FRMPD4: variants seen among roughly 807,000 people sequenced by gnomAD.
FRMPD4 encodes FERM and PDZ domain containing 4, also known as FERM and PDZ domain-containing protein 4.
Under a neutral mutation model 94.1 loss-of-function variants are expected in FRMPD4, and 22 were observed. The ratio of observed to expected loss-of-function variants is 0.23; its 90% CI spans 0.17 to 0.33. The LOEUF is 0.33. FRMPD4 is among the 10% of genes least tolerant of loss of function. The pLI is 1.00. For synonymous variants in FRMPD4, 631 were observed against 548.6 expected, an observed-to-expected ratio of 1.15 and a Z score of -2.10; for missense variants, 1,111 against 1,339.9, an observed-to-expected ratio of 0.83 and a Z score of 2.67.
At chrX:12,469,926 G>T (rs1224358931) in intron 1 of FRMPD4, among the ~76,000 whole-genome samples, 2 of 112,160 alleles carry the variant, frequency 1.8e-5, no homozygotes, top group African/African-American at 6.5e-5. Context: ...GGACACTGCT[G>T]CCCCTGGAGA....
chrX:11,978,956 G>A (rs1355830017), intron 3 of FRMPD4, among the ~76,000 whole-genome samples: 3 of 110,900 alleles, frequency 2.7e-5, no homozygotes, highest in Non-Finnish European at 5.7e-5. Context: ...AAGCACTTTT[G>A]TAATTATTAC....
intron 1 of FRMPD4, among the ~76,000 whole-genome samples, chrX:12,169,026 G>T (rs759218681): frequency 1.8e-5 from 2 of 111,938 alleles, no homozygotes; most frequent in African/African-American, 6.5e-5. Context: ...TATAATTCAC[G>T]ATGAGGCTTG....
intron 3 of FRMPD4, among the ~76,000 whole-genome samples, chrX:11,945,864 G>T (rs892709105): frequency 8.9e-6 from 1 of 111,838 alleles, no homozygotes; most frequent in Non-Finnish European, 1.9e-5. Context: ...ATTTGGAGGA[G>T]ACAAATATCC....
At chrX:12,369,176 G>A (rs1182284799) in intron 1 of FRMPD4, among the ~76,000 whole-genome samples, 1 of 108,768 alleles carries the variant, frequency 9.2e-6, no homozygotes, top group African/African-American at 3.3e-5. Context: ...GTATGTAAGG[G>A]CATTTTTTAA....
chrX:12,176,738 C>T (rs2056300575), intron 1 of FRMPD4, among the ~76,000 whole-genome samples: 2 of 112,085 alleles, frequency 1.8e-5, no homozygotes, highest in Non-Finnish European at 3.8e-5. Context: ...TGAGAACAAA[C>T]TACATTTGGG....
At chrX:12,131,372 C>T (rs931081035) in intron 3 of FRMPD4, among the ~76,000 whole-genome samples, 1 of 111,988 alleles carries the variant, frequency 8.9e-6, no homozygotes, top group South Asian at 3.8e-4. Context: ...CATCTCTTGG[C>T]CCTTAGGAAG....
chrX:12,074,794 G>A (rs1291388096), intron 3 of FRMPD4, among the ~76,000 whole-genome samples: 1 of 111,343 alleles, frequency 9.0e-6, no homozygotes, highest in Non-Finnish European at 1.9e-5. Flanking sequence ...ACCATGTCGA[G>A]TGACATAAAT....
chrX:12,468,880 T>G (rs766987485), intron 1 of FRMPD4, among the ~76,000 whole-genome samples: 1 of 112,191 alleles, frequency 8.9e-6, no homozygotes, highest in East Asian at 2.8e-4. Flanking sequence ...TATAAAGAAG[T>G]GTTGTACTGT....
intron 1 of FRMPD4, among the ~76,000 whole-genome samples, chrX:12,312,444 G>A (rs5979582): frequency 0.017 from 1,796 of 107,888 alleles, 41 homozygotes; most frequent in African/African-American, 0.057. Flanking sequence ...TAGTAGAGAC[G>A]GGGTTTCACC....
At chrX:12,011,115 G>T (rs1331577063) in intron 3 of FRMPD4, among the ~76,000 whole-genome samples, 4 of 112,309 alleles carry the variant, frequency 3.6e-5, no homozygotes, top group African/African-American at 1.3e-4. Flanking sequence ...TGTTAGGAAA[G>T]AATTACTTTT....
chrX:12,387,977 TA>T (rs57694212), intron 1 of FRMPD4, among the ~76,000 whole-genome samples: 1,497 of 93,470 alleles, frequency 0.016, 15 homozygotes, highest in African/African-American at 0.033. Flanking sequence ...GAATCAATCT[TA>T]AAAAAAAAAA....
intron 1 of FRMPD4, among the ~76,000 whole-genome samples, chrX:12,268,268 C>T (rs1215971222): frequency 8.9e-6 from 1 of 112,607 alleles, no homozygotes; most frequent in African/African-American, 3.2e-5. Context: ...CTGAAAAACA[C>T]AGCCTACCTT....
intron 3 of FRMPD4, among the ~76,000 whole-genome samples, chrX:11,951,678 C>T (rs2054224470): frequency 1.8e-5 from 2 of 111,900 alleles, no homozygotes; most frequent in South Asian, 3.8e-4. Context: ...ATAATCTGTA[C>T]AACAAACCCC....
chrX:12,127,797 C>G (rs1376087428), intron 3 of FRMPD4, among the ~76,000 whole-genome samples: 1 of 112,550 alleles, frequency 8.9e-6, no homozygotes, highest in Non-Finnish European at 1.9e-5. Flanking sequence ...AATGTCGGTA[C>G]AGGCATTGGA....
chrX:12,492,111 G>A lies in FRMPD4; in HGVS notation c.42-6569G>A, dbSNP rs182283692. 8.0e-5 allele frequency among the ~76,000 whole-genome samples: 9 copies of A among 111,848 alleles called. No individual in the cohort carries two copies. In the East Asian group the frequency reaches 2.0e-3, roughly 24 times the overall value. ...AGTACAAAATTCAAATGTCCAATTC[G>A]GGGCAGGGCTGCATCTAACTTTAAT... is the stretch of plus-strand genomic sequence containing the variant. On this transcript the variant is annotated intron_variant, in intron 1 of 16. Transcript: ENST00000675598.
chrX:12,242,075 A>G (rs1197758063), intron 1 of FRMPD4, among the ~76,000 whole-genome samples: 1 of 111,717 alleles, frequency 9.0e-6, no homozygotes, highest in African/African-American at 3.3e-5. Context: ...TAAACTTTCC[A>G]GTAGGTCCTC....
intron 1 of FRMPD4, among the ~76,000 whole-genome samples, chrX:12,188,470 T>C (rs764639881): frequency 8.9e-6 from 1 of 112,075 alleles, no homozygotes; most frequent in Non-Finnish European, 1.9e-5. Context: ...TGTGTATGTT[T>C]GGGTCTAAAG....
chrX:12,300,840 G>C (rs766677623), intron 1 of FRMPD4, among the ~76,000 whole-genome samples: 1 of 111,633 alleles, frequency 9.0e-6, no homozygotes, highest in East Asian at 2.8e-4. Flanking sequence ...AACAAGCTTT[G>C]ACTTGGAATA....
intron 1 of FRMPD4, among the ~76,000 whole-genome samples, chrX:12,387,302 C>A (rs2148031560): frequency 8.9e-6 from 1 of 112,318 alleles, no homozygotes; most frequent in East Asian, 2.8e-4. Flanking sequence ...TGCGTTAACA[C>A]CATTTCACGC....
Sources: gnomAD v4.1 joint callset for allele counts (sites outside exome capture counted in the v4.1 genomes callset) on GRCh38, gnomAD v4.1.1 for gene constraint, MANE v1.5 for transcripts, NCBI Gene and HGNC (gene_info 2026-07-23, HGNC 2026-07-21) for gene names.